The following CPQ variants were observed in gnomAD, a reference collection of about 807,000 sequenced individuals.
CPQ encodes Ser-Met dipeptidase.
In CPQ, 37 loss-of-function variants were observed where a neutral mutation model predicts 45.7. The ratio of observed to expected loss-of-function variants is 0.81; its 90% confidence interval spans 0.62 to 1.07. CPQ has a LOEUF of 1.07. CPQ is among the 50% of genes least tolerant of loss of function. The pLI is 0.00. For synonymous variants in CPQ, 186 were observed against 205.8 expected (o/e 0.90, Z 0.82); for missense variants, 537 against 572.9 (o/e 0.94, Z 0.64).
rs1013628767 is a variant in CPQ, at chr8:96,771,104, A to T, written c.-34-13760A>T. 4.8e-5 allele frequency among the ~76,000 whole-genome samples: 7 copies of T among 145,958 alleles called. No homozygotes were observed. The South Asian group carries it at 6.4e-4, about 13-fold the overall frequency. ...AATATATATATATTATATATATATA[A>T]ATATATATATTTATATATTTTAATG... On this transcript the variant is annotated intron_variant, in intron 1 of 7. Transcript: ENST00000220763.
At chr8:96,872,514 G>A (rs1402922992) in intron 3 of CPQ, among the ~76,000 whole-genome samples, 2 of 151,684 alleles carry the variant, frequency 1.3e-5, no homozygotes, top group Non-Finnish European at 3.0e-5. Flanking sequence ...TTACTTAGTT[G>A]GTAGGAAGTT....
chr8:96,682,234 G>A (rs567784230), intron 1 of CPQ, among the ~76,000 whole-genome samples: 2 of 152,242 alleles, frequency 1.3e-5, no homozygotes, highest in African/African-American at 4.8e-5. Flanking sequence ...ATGTGTTGTG[G>A]GGGGGACCCA....
chr8:96,664,126 A>G (rs1808889090), intron 1 of CPQ, among the ~76,000 whole-genome samples: 1 of 152,246 alleles, frequency 6.6e-6, no homozygotes, highest in Non-Finnish European at 1.5e-5. Context: ...GCTAGCTAAT[A>G]TTGAAATATG....
chr8:96,744,322 G>A lies in CPQ; in HGVS notation c.-34-40542G>A, dbSNP rs370889995. ...TGCTTCCCGAGTGAGGCAATGCCTCGCCCTGCTTCTGCTCTCGCACAGTGC... is the reference window on the plus strand; with the variant it reads ...TGCTTCCCGAGTGAGGCAATGCCTCACCCTGCTTCTGCTCTCGCACAGTGC... On this transcript the variant is annotated intron_variant, in intron 1 of 7. Transcript: ENST00000220763. Among the ~76,000 whole-genome samples the A allele has an allele frequency of 1.9e-4, 29 of 152,174 alleles. 1 individual carries two copies. Among genetic ancestry groups the A allele is most frequent in the Non-Finnish European group, 2.6e-4 (18 of 68,034 alleles).
At chr8:96,893,860 A>AT (rs577271667) in intron 4 of CPQ, among the ~76,000 whole-genome samples, 7 of 151,708 alleles carry the variant, frequency 4.6e-5, no homozygotes, top group African/African-American at 1.2e-4. Context: ...ATATGTCCAC[A>AT]TTTTTTTTTA....
intron 4 of CPQ, among the ~76,000 whole-genome samples, chr8:96,908,130 G>GTGTGTGTC (rs1177780152): frequency 4.6e-5 from 7 of 151,376 alleles, no homozygotes; most frequent in Admixed American, 2.0e-4. Context: ...GTGTGTGTGT[G>GTGTGTGTC]TGTGTGTGTG....
chr8:96,748,884 G>T (rs930641490), intron 1 of CPQ, among the ~76,000 whole-genome samples: 1 of 152,222 alleles, frequency 6.6e-6, no homozygotes, highest in East Asian at 1.9e-4. Flanking sequence ...TTTCTGGAAT[G>T]CCTTTCTGAA....
chr8:97,111,588 T>C (rs1182073463), intron 7 of CPQ, among the ~76,000 whole-genome samples: 1 of 152,226 alleles, frequency 6.6e-6, no homozygotes, highest in Non-Finnish European at 1.5e-5. Flanking sequence ...TACCATCATC[T>C]TGAAGCAATA....
intron 7 of CPQ, among the ~76,000 whole-genome samples, chr8:97,102,380 G>A (rs1309778023): frequency 6.6e-6 from 1 of 152,172 alleles, no homozygotes; most frequent in Non-Finnish European, 1.5e-5. Flanking sequence ...GAGAGGAATA[G>A]GGGAGAGGTT....
chr8:96,946,957 TCC>T (rs1813197085), intron 4 of CPQ, among the ~76,000 whole-genome samples: 2 of 152,120 alleles, frequency 1.3e-5, no homozygotes, highest in African/African-American at 4.8e-5. Flanking sequence ...CATGTGTCAG[TCC>T]CTGGAATTAT....
At chr8:96,948,698 T>C (rs1426327961) in intron 4 of CPQ, among the ~76,000 whole-genome samples, 1 of 152,146 alleles carries the variant, frequency 6.6e-6, no homozygotes, top group East Asian at 1.9e-4. Flanking sequence ...TTTCCTTACT[T>C]ATCTTCCGTA....
intron 4 of CPQ, among the ~76,000 whole-genome samples, chr8:96,963,624 G>A (rs1262436006): frequency 6.6e-6 from 1 of 152,052 alleles, no homozygotes; most frequent in African/African-American, 2.4e-5. Context: ...GTTCAACTTT[G>A]GTTTACTTAG....
chr8:96,917,241 G>A (rs1341683139), intron 4 of CPQ, among the ~76,000 whole-genome samples: 1 of 152,020 alleles, frequency 6.6e-6, no homozygotes, highest in Non-Finnish European at 1.5e-5. Flanking sequence ...TTCCACACAG[G>A]AGATTTATCT....
intron 3 of CPQ, among the ~76,000 whole-genome samples, chr8:96,856,691 G>A (rs1017217777): frequency 3.3e-5 from 5 of 152,166 alleles, no homozygotes; most frequent in African/African-American, 7.2e-5. Flanking sequence ...TGACCCATAC[G>A]ATCATGGAGG....
Position 96,850,582 on chromosome 8 carries a change from T to TA in CPQ, c.641+15403dup. Among the ~76,000 whole-genome samples, 4 of 139,840 alleles carry TA rather than the reference T, an allele frequency of 2.9e-5. No homozygotes were observed. In the South Asian group the frequency reaches 9.4e-4, roughly 33 times the overall value. The allele number at this position is 139,840 out of a possible 152,430, so 91.7% of individuals were successfully genotyped here. The stretch of plus-strand genomic sequence containing the variant: ...TTTTTATTTTTATTTTATTTTATTT[T>TA]ATTTTATTTATTTATTTATTTATTT... On this transcript the variant is annotated intron_variant, in intron 3 of 7. Transcript: ENST00000220763.
intron 1 of CPQ, among the ~76,000 whole-genome samples, chr8:96,661,146 C>T (rs148095314): frequency 2.6e-5 from 4 of 152,178 alleles, no homozygotes; most frequent in African/African-American, 9.6e-5. Context: ...AAATGGAGAT[C>T]ATTGGGTAAA....
At chr8:96,926,576 CTCTTCT>C (rs60745622) in intron 4 of CPQ, among the ~76,000 whole-genome samples, 1,491 of 75,000 alleles carry the variant, frequency 0.02, 22 homozygotes, top group Non-Finnish European at 0.025. Flanking sequence ...CTTCCTCTTC[CTCTTCT>C]TCTTCTTCTT....
intron 4 of CPQ, among the ~76,000 whole-genome samples, chr8:96,919,129 C>CT (rs149999281): frequency 0.03 from 4,589 of 150,920 alleles, 235 homozygotes; most frequent in African/African-American, 0.1. Flanking sequence ...TGTCTTTCGC[C>CT]TTTTTTTTTG....
At chr8:97,022,441 C>G (rs10092483) in intron 5 of CPQ, among the ~76,000 whole-genome samples, 3,386 of 152,228 alleles carry the variant, frequency 0.022, 105 homozygotes, top group African/African-American at 0.077. Flanking sequence ...GCAGAGTTAA[C>G]AGACAACCCA....
Sources: allele counts gnomAD v4.1 joint callset (sites outside exome capture counted in the v4.1 genomes callset), GRCh38; gene constraint gnomAD v4.1.1; transcripts MANE v1.5; gene names NCBI Gene and HGNC (gene_info 2026-07-23, HGNC 2026-07-21).